The following ATP7B variants were observed in gnomAD, a reference collection of about 807,000 sequenced individuals.
The protein encoded by ATP7B is ATPase copper transporting beta, also known as copper-transporting ATPase 2.
A neutral mutation model predicts 118.9 loss-of-function variants in ATP7B; 113 were observed. That is an observed-to-expected ratio of 0.95 (90% confidence interval 0.82 to 1.11). The LOEUF is 1.11. Among genes scored for constraint, ATP7B ranks in the 50% most tolerant of loss-of-function variants. The probability of loss-of-function intolerance (pLI) is 0.00; values close to 1 mark genes in which losing one functional copy is unlikely to be tolerated. For synonymous variants in ATP7B, 777 were observed against 727.4 expected (o/e 1.07, Z -1.10); for missense variants, 1,867 against 1,871.4 (o/e 1.00, Z 0.04).
At position 51,946,355 on chromosome 13, in the gene ATP7B, C is replaced by G; in HGVS notation, c.2989G>C (p.Val997Leu). 6.2e-7 allele frequency: 1 copy of G among 1,612,790 alleles called. No homozygotes were observed. The highest frequency in any genetic ancestry group is 2.2e-5 in the East Asian group (1 of 44,868). The change falls in exon 13 of 21, where the codon GTG becomes CTG. Residue 997 changes from valine (V) to leucine (L), a missense_variant. By Grantham distance (32) the Val-to-Leu change is conservative. Coordinates refer to ENST00000242839, the MANE Select transcript of ATP7B (RefSeq NM_000053.4). ...TTCTGCGCGGCCACCCCGGTGCCCA[C>G]CATGACAGCCGTGGGCGTGGCCAGC... ...LGLATPTAVMVGTGVAAQNGI... is the reference protein window; with the variant it reads ...LGLATPTAVMLGTGVAAQNGI...
At chr13:51,983,532 T>G (rs550306145) in intron 1 of ATP7B, among the ~76,000 whole-genome samples, 1 of 152,270 alleles carries the variant, frequency 6.6e-6, no homozygotes, top group African/African-American at 2.4e-5. Flanking sequence ...AAGAGAGCAG[T>G]GGATCTCCTA....
chr13:51,966,574 C>G (rs1951557225), intron 4 of ATP7B, among the ~76,000 whole-genome samples: 1 of 152,230 alleles, frequency 6.6e-6, no homozygotes, highest in African/African-American at 2.4e-5. Context: ...GTGGTCAGCA[C>G]TTCCTAGAAG....
chr13:52,008,514 T>C (rs1004185280), intron 1 of ATP7B, among the ~76,000 whole-genome samples: 1 of 152,056 alleles, frequency 6.6e-6, no homozygotes, highest in African/African-American at 2.4e-5. Context: ...CCTGAAGCTA[T>C]CTAGGGGCCT....
chr13:51,956,389 AC>A (rs1425753924), intron 9 of ATP7B, among the ~76,000 whole-genome samples: 1 of 152,340 alleles, frequency 6.6e-6, no homozygotes, highest in East Asian at 1.9e-4. Context: ...TGATACATGG[AC>A]AAGGGCACAC....
At position 52,010,086 on chromosome 13, in the gene ATP7B, G is replaced by T. The variant is rs148525924; in HGVS notation, c.51+1201C>A. Among the ~76,000 whole-genome samples the T allele has an allele frequency of 2.0e-4, 31 of 152,196 alleles. No homozygotes were observed. The East Asian group carries it at 5.8e-3, about 28-fold the overall frequency. ...CTTGAGCTTGATTTGGAAGGATAATGATTTCTTTCTCTAGGTGGGGACACT... is the reference window on the plus strand; with the variant it reads ...CTTGAGCTTGATTTGGAAGGATAATTATTTCTTTCTCTAGGTGGGGACACT... On this transcript the variant is annotated intron_variant, in intron 1 of 20. Transcript: ENST00000242839.
chr13:51,981,737 A>C (rs915075890), intron 1 of ATP7B, among the ~76,000 whole-genome samples: 1 of 152,216 alleles, frequency 6.6e-6, no homozygotes, highest in Non-Finnish European at 1.5e-5. Context: ...CGTAAATATC[A>C]GTAGAGAAAA....
chr13:51,974,421 G>A lies in ATP7B; in HGVS notation c.799C>T (p.His267Tyr). Residue 267 changes from histidine (H) to tyrosine (Y), a missense_variant, in exon 2 of 21, where the codon CAT (histidine) becomes TAT (tyrosine). Coordinates refer to ENST00000242839, the MANE Select transcript of ATP7B (RefSeq NM_000053.4). ...ATATTCAAGACGCAAGACTTACAAT[G>A]CATTCCATCTATTCTCAGTTGGAGG... ...VTLQLRIDGM[H>Y]CKSCVLNIEE... The A allele has an allele frequency of 6.2e-7, 1 of 1,613,982 alleles. No individual in the cohort carries two copies. The highest frequency in any genetic ancestry group is 8.5e-7 in the Non-Finnish European group (1 of 1,180,032).
intron 1 of ATP7B, among the ~76,000 whole-genome samples, chr13:51,979,840 T>C (rs1452918060): frequency 6.6e-6 from 1 of 152,198 alleles, no homozygotes; most frequent in East Asian, 1.9e-4. Flanking sequence ...GGGTTTGCAG[T>C]AGTACTGAAA....
upstream of ATP7B, chr13:52,011,923 G>C (rs1453919028): frequency 7.3e-6 from 2 of 275,234 alleles, no homozygotes; most frequent in Admixed American, 5.1e-5. Context: ...CGCCGCGTCG[G>C]GTCCGCTCTG....
At chr13:51,948,168 C>T (rs569994467) in intron 12 of ATP7B, among the ~76,000 whole-genome samples, 2 of 152,204 alleles carry the variant, frequency 1.3e-5, no homozygotes, top group African/African-American at 4.8e-5. Flanking sequence ...GAAAATACAT[C>T]CTAGTAAATG....
At chr13:51,944,789 C>T (rs966835149) in intron 13 of ATP7B, among the ~76,000 whole-genome samples, 2 of 152,176 alleles carry the variant, frequency 1.3e-5, no homozygotes, top group African/African-American at 4.8e-5. Flanking sequence ...GACAAACAAA[C>T]CCCCAGAGCC....
intron 12 of ATP7B, among the ~76,000 whole-genome samples, chr13:51,947,698 G>T (rs1439855907): frequency 6.6e-6 from 1 of 152,168 alleles, no homozygotes; most frequent in Admixed American, 6.5e-5. Flanking sequence ...TAAAGATTAT[G>T]TAATCTTTTT....
At chr13:51,965,667 C>T (rs1260398117) in intron 4 of ATP7B, among the ~76,000 whole-genome samples, 1 of 152,158 alleles carries the variant, frequency 6.6e-6, no homozygotes, top group Non-Finnish European at 1.5e-5. Context: ...GGCAGGATAG[C>T]ATGATGTATT....
chr13:51,968,852 T>C (rs1951700280), intron 3 of ATP7B, among the ~76,000 whole-genome samples: 1 of 140,406 alleles, frequency 7.1e-6, no homozygotes, highest in African/African-American at 2.5e-5. Context: ...AGGCATCTTT[T>C]TTTCTTTTTT....
In ATP7B at chr13:51,975,162, A is replaced by G; in HGVS notation, c.58T>C (p.Ser20Pro). The change falls in exon 2 of 21, where the codon TCT becomes CCT. Residue 20 changes from serine (S) to proline (P), a missense_variant. By Grantham distance (74) the Ser-to-Pro change is moderately conservative (BLOSUM62 -1). Coordinates refer to ENST00000242839, the MANE Select transcript of ATP7B (RefSeq NM_000053.4). The stretch of plus-strand genomic sequence containing the variant: ...GCACGGGTAGGCAAAGAAAGCTTAG[A>G]TAAGATCTAAAAAGAAAAGAAATAA... ...AREGASRKILSKLSLPTRAWE... is the reference protein window; with the variant it reads ...AREGASRKILPKLSLPTRAWE... 2 of 1,614,228 alleles carry G rather than the reference A, an allele frequency of 1.2e-6. No homozygotes were observed. Among genetic ancestry groups the G allele is most frequent in the East Asian group, 2.2e-5 (1 of 44,886 alleles).
rs1555285393 is a variant in ATP7B, at chr13:51,941,203, GAGA to G, written c.3431_3433del (p.Phe1144del). On this transcript the variant is annotated inframe_deletion, in exon 16 of 21. Coordinates refer to ENST00000242839, the MANE Select transcript of ATP7B (RefSeq NM_000053.4). ...CCACTCACGGTTTCCAATCAGCACA[GAGA>G]AGGTCTGGGGGACTGCATCTATTCA... 6.2e-6 allele frequency: 10 copies of G among 1,614,158 alleles called. No homozygotes were observed. The highest frequency in any genetic ancestry group is 8.5e-6 in the Non-Finnish European group (10 of 1,180,020).
intron 12 of ATP7B, among the ~76,000 whole-genome samples, chr13:51,947,115 G>A (rs1483713135): frequency 3.3e-5 from 5 of 152,160 alleles, no homozygotes; most frequent in Non-Finnish European, 5.9e-5. Context: ...AATGGGATAC[G>A]AGGCAACTAT....
rs536429443 is a variant in ATP7B at position 51,966,850 on chromosome 13, G to A, written c.1707+1594C>T. On this transcript the variant is annotated intron_variant, in intron 4 of 20. Coordinates refer to ENST00000242839, the MANE Select transcript of ATP7B (RefSeq NM_000053.4). ...GGGAATAGCTTTGCAAAAAATGGGC[G>A]CAATGGCCAAGCCAGATTGTATCAT... 1.4e-4 allele frequency: 233 copies of A among 1,612,870 alleles called. 1 individual carries two copies. Among genetic ancestry groups the A allele is most frequent in the Non-Finnish European group, 1.6e-4 (188 of 1,178,998 alleles).
intron 3 of ATP7B, among the ~76,000 whole-genome samples, chr13:51,968,979 G>A (rs148409501): frequency 1.1e-3 from 165 of 150,558 alleles, no homozygotes; most frequent in African/African-American, 3.8e-3. Flanking sequence ...TCCTGCCTCA[G>A]CCTCCTGAGT....
Sources: allele counts gnomAD v4.1 joint callset (sites outside exome capture counted in the v4.1 genomes callset), GRCh38; gene constraint gnomAD v4.1.1; transcripts MANE v1.5; gene names NCBI Gene and HGNC (gene_info 2026-07-23, HGNC 2026-07-21).